The following LAMB3 variants were observed in gnomAD, a reference collection of about 807,000 sequenced individuals.
LAMB3 encodes laminin subunit beta-3.
Under a neutral mutation model 140.3 loss-of-function variants are expected in LAMB3, and 104 were observed. The ratio of observed to expected loss-of-function variants is 0.74; its 90% CI spans 0.63 to 0.87. The LOEUF is 0.87. Among genes scored for constraint, LAMB3 ranks in the 40% least tolerant of loss-of-function variants. LAMB3 has a pLI of 0.00. For missense variants in LAMB3, 1,531 were observed against 1,575.2 expected, an observed-to-expected ratio of 0.97 and a Z score of 0.47; for synonymous variants, 592 against 602.9, an observed-to-expected ratio of 0.98 and a Z score of 0.26.
At position 209,627,422 on chromosome 1, in the gene LAMB3, G is replaced by A. The variant is rs750215205; in HGVS notation, c.1446C>T (p.Ala482=). 6.2e-7 allele frequency: 1 copy of A among 1,613,848 alleles called. No homozygotes were observed. Residue 482 remains alanine (A), a synonymous_variant, in exon 12 of 23, where the codon GCC becomes GCT. Coordinates refer to ENST00000356082, the MANE Select transcript of LAMB3 (RefSeq NM_000228.3). ...GGCTGAGGGAGTTGTGCGGGTCGCA[G>A]GCACACGGTTCACAGCCCTGGCCAC... ...LASGQGCEPC[A]CDPHNSLSPQ...
At chr1:209,638,432 T>C in intron 4 of LAMB3, 102 bp downstream of exon 4, 3 of 789,496 alleles carry the variant, frequency 3.8e-6, no homozygotes, top group South Asian at 1.4e-5. Context: ...CACACCACCA[T>C]AAGAAATGCC....
chr1:209,627,653 G>T, intron 11 of LAMB3, 74 bp from the exon 12 acceptor site: 1 of 1,382,164 alleles, frequency 7.2e-7, no homozygotes, highest in African/African-American at 1.4e-5. Context: ...CACATCCAGG[G>T]AGGGGCGCTG....
Position 209,625,916 on chromosome 1 carries a change from C to T in LAMB3, c.1708G>A (p.Gly570Ser). Residue 570 changes from glycine to serine, a missense_variant, in exon 14 of 23, where the codon GGC (glycine) becomes AGC (serine). Gly to Ser is a moderately conservative substitution (Grantham distance 56). Transcript: ENST00000356082. ...CACACCGGGTAGCGATTACAGTAGC[C>T]TCGCTGGCACTGGTCACAGCGGGGC... is the stretch of plus-strand genomic sequence containing the variant. ...TGPRCDQCQR[G>S]YCNRYPVCVA... The T allele has an allele frequency of 1.2e-6, 2 of 1,613,834 alleles. No homozygotes were observed. Among genetic ancestry groups the T allele is most frequent in the Non-Finnish European group, 1.7e-6 (2 of 1,179,888 alleles).
intron 3 of LAMB3, among the ~76,000 whole-genome samples, chr1:209,648,250 TAAAGACCATCTC>T (rs1194724187): frequency 6.6e-6 from 1 of 152,148 alleles, no homozygotes; most frequent in Admixed American, 6.5e-5. Flanking sequence ...GGAGGGACCC[TAAAGACCATCTC>T]ATCTAATACT....
chr1:209,648,017 A>G (rs1398951130), intron 3 of LAMB3, among the ~76,000 whole-genome samples: 2 of 152,248 alleles, frequency 1.3e-5, no homozygotes, highest in African/African-American at 4.8e-5. Context: ...TCATGCAGCC[A>G]CCAGAGCACC....
In LAMB3 at chr1:209,623,465, G is replaced by C; in HGVS notation, c.2358+40C>G. Reference sequence around the variant, plus strand: ...AGCAGTTGGTGTGTGACAAGCTGGGGTGTGGGCTCCAGGAAGTGGGACTCC... The same window carrying C: ...AGCAGTTGGTGTGTGACAAGCTGGGCTGTGGGCTCCAGGAAGTGGGACTCC... On this transcript the variant is annotated intron_variant, in intron 16 of 22. Coordinates refer to ENST00000356082, the MANE Select transcript of LAMB3 (RefSeq NM_000228.3). The surrounding 1 kb of genome is among the most constrained non-coding windows in gnomAD (Gnocchi z 4.2). 1 of 1,578,870 alleles carries C rather than the reference G, an allele frequency of 6.3e-7. No homozygotes were observed. Among genetic ancestry groups the C allele is most frequent in the East Asian group, 2.2e-5 (1 of 44,688 alleles).
At chr1:209,626,651 C>T (rs569372396) in intron 13 of LAMB3, among the ~76,000 whole-genome samples, 272 of 152,360 alleles carry the variant, frequency 1.8e-3, no homozygotes, top group Middle Eastern at 3.4e-3. Context: ...CAGCATGTCA[C>T]GGGGACGCAG....
rs768257008 is a variant in LAMB3 at position 209,617,434 on chromosome 1, G to T, written c.3204C>A (p.Ser1068Arg). ...CCTCTTGGGCACTCAATGCCTGCTC[G>T]CTGGCACCTTCCGCAAGCTGCTGGG... is the stretch of plus-strand genomic sequence containing the variant. ...VQAQQLAEGA[S>R]EQALSAQEGF... The change falls in exon 21 of 23, where the codon AGC (serine) becomes AGA (arginine). Residue 1068 changes from serine to arginine, a missense_variant. Coordinates refer to ENST00000356082, the MANE Select transcript of LAMB3 (RefSeq NM_000228.3). 5 of 1,612,680 alleles carry T rather than the reference G, an allele frequency of 3.1e-6. No individual in the cohort carries two copies. Among genetic ancestry groups the T allele is most frequent in the South Asian group, 1.1e-5 (1 of 91,028 alleles).
intron 1 of LAMB3, 70 bp from the exon 2 acceptor site, chr1:209,651,051 C>T: frequency 2.0e-6 from 2 of 1,024,586 alleles, no homozygotes; most frequent in South Asian, 1.3e-5. Context: ...TTTTTCTTTT[C>T]TGTTTCTAGA....
intron 5 of LAMB3, among the ~76,000 whole-genome samples, chr1:209,637,346 C>G (rs763038163): frequency 1.3e-5 from 2 of 151,740 alleles, no homozygotes; most frequent in Non-Finnish European, 2.9e-5. Context: ...AGAATAAAAC[C>G]AAATCATCTC....
At chr1:209,624,787 T>G (rs1666354218) in intron 14 of LAMB3, among the ~76,000 whole-genome samples, 1 of 151,986 alleles carries the variant, frequency 6.6e-6, no homozygotes, top group South Asian at 2.1e-4. Context: ...AGCGCAAAGA[T>G]TATGTCATAC....
At chr1:209,627,900 G>T in intron 11 of LAMB3, 135 bp downstream of exon 11, 1 of 1,214,142 alleles carries the variant, frequency 8.2e-7, no homozygotes, top group Non-Finnish European at 1.2e-6. Context: ...TCCTGGCAAA[G>T]GCCCGGGCAT....
chr1:209,625,630 G>T lies in LAMB3; in HGVS notation c.1976+18C>A. The T allele has an allele frequency of 1.9e-6, 3 of 1,614,022 alleles. No homozygotes were observed. The highest frequency in any genetic ancestry group is 2.5e-6 in the Non-Finnish European group (3 of 1,179,944). ...GGAGCATAATTCTTGCAAATGCTTGGCAGGGAAAGGGAATTACCTGAGGGA... is the reference window on the plus strand; with the variant it reads ...GGAGCATAATTCTTGCAAATGCTTGTCAGGGAAAGGGAATTACCTGAGGGA... On this transcript the variant is annotated intron_variant, in intron 14 of 22. Coordinates refer to ENST00000356082, the MANE Select transcript of LAMB3 (RefSeq NM_000228.3).
intron 5 of LAMB3, among the ~76,000 whole-genome samples, chr1:209,634,918 TC>T (rs1459467867): frequency 0.025 from 54 of 2,134 alleles, no homozygotes; most frequent in African/African-American, 0.096. Flanking sequence ...CATTTTTTAT[TC>T]TCTCTCTCTC....
Position 209,614,944 on chromosome 1 carries a change from A to G in LAMB3, c.*327T>C. The G allele has an allele frequency of 3.9e-6, 1 of 255,956 alleles. No homozygotes were observed. The allele number at this position is 255,956 out of a possible 1,614,324, so 15.9% of individuals were successfully genotyped here. The stretch of plus-strand genomic sequence containing the variant: ...TTTTCATTTTTACATCACTTTTGTT[A>G]AGTTTTTGTGCTTGGTCCAGGATTC... On this transcript the variant is annotated 3_prime_UTR_variant, in exon 23 of 23. Transcript: ENST00000356082.
At chr1:209,633,046 G>C (rs191209627) in intron 7 of LAMB3, 24 bp downstream of exon 7, 2 of 1,547,934 alleles carry the variant, frequency 1.3e-6, no homozygotes, top group Admixed American at 3.3e-5. Flanking sequence ...TAGTTCCATG[G>C]ACAAGAGAAG....
chr1:209,650,117 G>A lies in LAMB3; in HGVS notation c.30C>T (p.Ala10=), dbSNP rs114304155. 12 of 1,612,684 alleles carry A rather than the reference G, an allele frequency of 7.4e-6. No homozygotes were observed. In the African/African-American group the frequency reaches 8.0e-5, roughly 11 times the overall value. ...GTTGGGCATGCAGGAGGCCAGGCAG[G>A]GCTGAAATCACAGGGATGTGTGATG... MRPFFLLCF[A]LPGLLHAQQA... The change falls in exon 3 of 23, where the codon GCC becomes GCT. Residue 10 remains alanine (A), a splice_region_variant and synonymous_variant. Coordinates refer to ENST00000356082, the MANE Select transcript of LAMB3 (RefSeq NM_000228.3).
At chr1:209,636,646 C>T (rs1453638680) in intron 5 of LAMB3, among the ~76,000 whole-genome samples, 3 of 152,182 alleles carry the variant, frequency 2.0e-5, no homozygotes, top group Non-Finnish European at 4.4e-5. Flanking sequence ...CATTCCCTTG[C>T]CCCCAACCCC....
chr1:209,623,946 G>T lies in LAMB3; in HGVS notation c.2031C>A (p.Ser677=), dbSNP rs924191339. The T allele has an allele frequency of 6.2e-7, 1 of 1,614,060 alleles. No individual in the cohort carries two copies. Among genetic ancestry groups the T allele is most frequent in the Admixed American group, 1.7e-5 (1 of 60,030 alleles). The change falls in exon 15 of 23, where the codon TCC becomes TCA. Residue 677 remains serine, a synonymous_variant. Transcript: ENST00000356082. This position sits in a 1 kb window ranked among gnomAD's most constrained non-coding sequence, Gnocchi z 4.2. Reference sequence around the variant, plus strand: ...CAAGACTCTCCAGGTCTCTCGGAAGGGACAACGTCTCCTCCTCCAGGGGCA... The same window carrying T: ...CAAGACTCTCCAGGTCTCTCGGAAGTGACAACGTCTCCTCCTCCAGGGGCA... The part of the protein sequence containing the change: ...LDLPLEEETL[S]LPRDLESLDR...
Sources: allele counts gnomAD v4.1 joint callset (sites outside exome capture counted in the v4.1 genomes callset), GRCh38; gene constraint gnomAD v4.1.1; non-coding constraint Gnocchi (gnomAD v3.1); transcripts MANE v1.5; gene names NCBI Gene and HGNC (gene_info 2026-07-23, HGNC 2026-07-21).